The following PID1 variants were observed in gnomAD, a reference collection of about 807,000 sequenced individuals.
PID1 encodes the protein phosphotyrosine interaction domain containing 1.
Under a neutral mutation model 19.1 loss-of-function variants are expected in PID1, and 10 were observed. The observed-to-expected ratio is 0.52, with a 90% CI of 0.32 to 0.89. The LOEUF (loss-of-function observed/expected upper bound fraction) is 0.89. Ranked by LOEUF, PID1 falls within the 40% of genes least tolerant of loss-of-function variation. The pLI, the probability that PID1 is intolerant of heterozygous loss-of-function variation, is 0.03. For synonymous variants in PID1, 130 were observed against 116.0 expected (o/e 1.12, Z -0.78); for missense variants, 248 against 285.3 (o/e 0.87, Z 0.94).
intron 2 of PID1, among the ~76,000 whole-genome samples, chr2:229,089,445 G>T (rs971820305): frequency 6.6e-6 from 1 of 152,146 alleles, no homozygotes. Context: ...AAAAGGAAAA[G>T]AAATAATCAA....
intron 2 of PID1, among the ~76,000 whole-genome samples, chr2:229,102,697 G>A (rs915664424): frequency 2.6e-5 from 4 of 152,184 alleles, no homozygotes; most frequent in Non-Finnish European, 5.9e-5. Context: ...GAACCCTCTA[G>A]GTCCTGTTAT....
chr2:229,099,412 A>G (rs1695033483), intron 2 of PID1, among the ~76,000 whole-genome samples: 1 of 152,162 alleles, frequency 6.6e-6, no homozygotes, highest in South Asian at 2.1e-4. Flanking sequence ...TGAGGCAGGA[A>G]ACTCAGTACC....
intron 1 of PID1, among the ~76,000 whole-genome samples, chr2:229,178,716 C>T (rs1035543968): frequency 6.6e-6 from 1 of 152,096 alleles, no homozygotes; most frequent in African/African-American, 2.4e-5. Context: ...TTGAAATTAA[C>T]CTTTGCCATT....
intron 1 of PID1, among the ~76,000 whole-genome samples, chr2:229,221,921 C>G (rs1691978841): frequency 6.6e-6 from 1 of 152,218 alleles, no homozygotes; most frequent in Non-Finnish European, 1.5e-5. Context: ...GGGATCCCCC[C>G]TCTGACATTC....
intron 2 of PID1, among the ~76,000 whole-genome samples, chr2:229,073,100 A>T (rs1201782039): frequency 1.3e-5 from 2 of 152,174 alleles, no homozygotes; most frequent in Non-Finnish European, 2.9e-5. Flanking sequence ...ATCTCAGCTC[A>T]CTGCAAGCTC....
intron 2 of PID1, among the ~76,000 whole-genome samples, chr2:229,154,830 A>G (rs959787235): frequency 2.6e-5 from 4 of 152,222 alleles, no homozygotes; most frequent in Non-Finnish European, 4.4e-5. Flanking sequence ...TGATGATAAA[A>G]CATCCATAAA....
intron 2 of PID1, among the ~76,000 whole-genome samples, chr2:229,129,501 A>T (rs1449191063): frequency 1.3e-5 from 2 of 152,006 alleles, no homozygotes; most frequent in East Asian, 3.9e-4. Flanking sequence ...CCCAAACCTA[A>T]ATGTGACTAT....
chr2:229,091,196 A>G (rs181365329), intron 2 of PID1, among the ~76,000 whole-genome samples: 95 of 152,194 alleles, frequency 6.2e-4, no homozygotes, highest in African/African-American at 2.2e-3. Flanking sequence ...GTTACTGTAG[A>G]AAATAAGAAT....
In PID1 at chr2:229,028,551, G is replaced by T. The variant is rs116341822; in HGVS notation, c.178-2443C>A. Among the ~76,000 whole-genome samples the T allele has an allele frequency of 9.4e-3, 1,433 of 152,226 alleles. 34 individuals are homozygous for T. Among genetic ancestry groups the T allele is most frequent in the African/African-American group, 0.032 (1,343 of 41,548 alleles). On this transcript the variant is annotated intron_variant, in intron 2 of 2. Transcript: ENST00000392055. ...ATATGTAATAAGTAATTAATATCTG[G>T]AATACATACAGAACACCTAAAAGTC...
chr2:229,146,109 T>C (rs116363001), intron 2 of PID1, among the ~76,000 whole-genome samples: 2,491 of 152,322 alleles, frequency 0.016, 34 homozygotes, highest in South Asian at 0.044. Context: ...GAACTCATTC[T>C]TTTTTGTGGC....
At chr2:229,224,328 G>A (rs958861970) in intron 1 of PID1, among the ~76,000 whole-genome samples, 1 of 152,106 alleles carries the variant, frequency 6.6e-6, no homozygotes, top group African/African-American at 2.4e-5. Context: ...TTCCATTATT[G>A]GGTATCTACC....
intron 1 of PID1, chr2:229,262,626 T>A (rs997785286): frequency 4.6e-6 from 7 of 1,536,220 alleles, no homozygotes; most frequent in Non-Finnish European, 5.3e-6. Flanking sequence ...CCTAGGGCTG[T>A]TGTAACAAAT....
chr2:229,060,730 C>A (rs567273263), intron 2 of PID1, among the ~76,000 whole-genome samples: 7 of 152,124 alleles, frequency 4.6e-5, no homozygotes, highest in African/African-American at 1.4e-4. Context: ...CTTATATTCC[C>A]ACCAACAGTG....
intron 1 of PID1, among the ~76,000 whole-genome samples, chr2:229,239,502 T>C (rs770631599): frequency 6.6e-6 from 1 of 152,100 alleles, no homozygotes; most frequent in Admixed American, 6.6e-5. Flanking sequence ...AGCCTCAATG[T>C]TGGCTATGTA....
intron 1 of PID1, among the ~76,000 whole-genome samples, chr2:229,269,560 A>G (rs1690680332): frequency 6.6e-6 from 1 of 152,264 alleles, no homozygotes; most frequent in East Asian, 1.9e-4. Flanking sequence ...CTGCACTTGA[A>G]CAGGAAACCT....
At chr2:229,092,627 C>T (rs1209410124) in intron 2 of PID1, among the ~76,000 whole-genome samples, 1 of 152,112 alleles carries the variant, frequency 6.6e-6, no homozygotes, top group Non-Finnish European at 1.5e-5. Flanking sequence ...AACAGTTTCA[C>T]CTTTCCTTTT....
At chr2:229,046,891 TCA>T (rs1302886249) in intron 2 of PID1, among the ~76,000 whole-genome samples, 1 of 152,210 alleles carries the variant, frequency 6.6e-6, no homozygotes, top group Admixed American at 6.5e-5. Flanking sequence ...ACATGAACCT[TCA>T]ATCTCCCAAA....
chr2:229,230,576 T>C (rs577885947), intron 1 of PID1, among the ~76,000 whole-genome samples: 189 of 152,364 alleles, frequency 1.2e-3, no homozygotes, highest in African/African-American at 4.4e-3. Context: ...TATAGGATTT[T>C]CAACATTTGT....
intron 2 of PID1, among the ~76,000 whole-genome samples, chr2:229,048,256 C>T (rs1693922525): frequency 6.6e-6 from 1 of 152,160 alleles, no homozygotes; most frequent in Admixed American, 6.5e-5. Flanking sequence ...TAAAGCAGCA[C>T]TGTCTCAGCC....
Sources: gnomAD v4.1 joint callset for allele counts (sites outside exome capture counted in the v4.1 genomes callset) on GRCh38, gnomAD v4.1.1 for gene constraint, MANE v1.5 for transcripts, NCBI Gene and HGNC (gene_info 2026-07-23, HGNC 2026-07-21) for gene names.